Variants in CDT1 observed in about 807,000 individuals in gnomAD.
CDT1 encodes DNA replication factor Cdt1.
A neutral mutation model predicts 49.3 loss-of-function variants in CDT1; 66 were observed. The ratio of observed to expected loss-of-function variants is 1.34; its 90% CI spans 1.10 to 1.64. The LOEUF (loss-of-function observed/expected upper bound fraction) is 1.64, where lower values mean the gene tolerates loss of function less well. Ranked by LOEUF, CDT1 falls within the 40% of genes most tolerant of loss-of-function variation. The probability of loss-of-function intolerance (pLI) is 0.00; values close to 1 mark genes in which losing one functional copy is unlikely to be tolerated. For synonymous variants in CDT1, 424 were observed against 347.4 expected (o/e 1.22, Z -2.45); for missense variants, 958 against 807.7 (o/e 1.19, Z -2.26).
In CDT1 at chr16:88,808,257, A is replaced by G. The variant is rs1908946376; in HGVS notation, c.1620A>G (p.Thr540=). ...TCACTGCACGCCTGGCCCACCAGAC[A>G]CGTGCTGAGGAGGGGCTGTGAGCCT... The part of the protein sequence containing the change: ...AHITARLAHQ[T]RAEEGL The change falls in exon 10 of 10, where the codon ACA becomes ACG. Residue 540 remains threonine, a synonymous_variant. Coordinates refer to ENST00000301019, the MANE Select transcript of CDT1 (RefSeq NM_030928.4). 3 of 1,597,234 alleles carry G rather than the reference A, an allele frequency of 1.9e-6. No individual in the cohort carries two copies. The highest frequency in any genetic ancestry group is 1.1e-5 in the South Asian group (1 of 88,870).
In CDT1 at chr16:88,804,650, A is replaced by C; in HGVS notation, c.334A>C (p.Thr112Pro). ...GGCAGCAGGTCAGCCGCCCCACCTG[A>C]CATCCGCGCAGGACCAGGTGAGGGG... ...TPAAGQPPHL[T>P]SAQDQDTISE... Residue 112 changes from threonine to proline, a missense_variant, in exon 2 of 10, where the codon ACA (threonine) becomes CCA (proline). By Grantham distance (38) the Thr-to-Pro change is conservative. Coordinates refer to ENST00000301019, the MANE Select transcript of CDT1 (RefSeq NM_030928.4). The C allele has an allele frequency of 6.2e-7, 1 of 1,612,520 alleles. No individual in the cohort carries two copies. The highest frequency in any genetic ancestry group is 8.5e-7 in the Non-Finnish European group (1 of 1,179,802).
At position 88,805,592 on chromosome 16, in the gene CDT1, C is replaced by G; in HGVS notation, c.641C>G (p.Pro214Arg). The G allele has an allele frequency of 1.2e-6, 2 of 1,612,830 alleles. No individual in the cohort carries two copies. The highest frequency in any genetic ancestry group is 1.7e-6 in the Non-Finnish European group (2 of 1,179,964). The change falls in exon 4 of 10, where the codon CCC becomes CGC. Residue 214 changes from proline (P) to arginine (R), a missense_variant. Physicochemically the swap from Pro to Arg is moderately radical, Grantham distance 103. Coordinates refer to ENST00000301019, the MANE Select transcript of CDT1 (RefSeq NM_030928.4). ...VGMLHNRSET[P>R]TFAKVQRGVQ... Reference sequence around the variant, plus strand: ...ATGCTCCACAACCGCTCCGAGACGCCCACCTTTGCCAAGGTCCAGCGGGGC... The same window carrying G: ...ATGCTCCACAACCGCTCCGAGACGCGCACCTTTGCCAAGGTCCAGCGGGGC...
chr16:88,805,515 C>A lies in CDT1; in HGVS notation c.564C>A (p.Tyr188Ter). 6.2e-7 allele frequency: 1 copy of A among 1,612,938 alleles called. No individual in the cohort carries two copies. The highest frequency in any genetic ancestry group is 2.2e-5 in the East Asian group (1 of 44,878). ...QPGLPGLVLPYKYQVLAEMFR... is the reference protein window; with the variant it reads ...QPGLPGLVLP ...GCCTGCCGGGACTCGTGCTGCCCTA[C>A]AAGTACCAGGTGCTGGCGGAGATGT... Residue 188 changes from tyrosine (Y) to a stop codon, truncating the protein, a stop_gained, in exon 4 of 10, where the codon TAC (tyrosine) becomes TAA (stop). Coordinates refer to ENST00000301019, the MANE Select transcript of CDT1 (RefSeq NM_030928.4). LOFTEE classifies it high-confidence loss of function.
Position 88,808,320 on chromosome 16 carries a change from G to A in CDT1, c.*42G>A, listed in dbSNP as rs368053717. On this transcript the variant is annotated 3_prime_UTR_variant, in exon 10 of 10. Coordinates refer to ENST00000301019, the MANE Select transcript of CDT1 (RefSeq NM_030928.4). ...GGACAGACGTGGGCTTCAGAAGCTCGCTGGCCTGGGCCCACCAGCATTTTC... is the reference window on the plus strand; with the variant it reads ...GGACAGACGTGGGCTTCAGAAGCTCACTGGCCTGGGCCCACCAGCATTTTC... The A allele has an allele frequency of 2.2e-4, 345 of 1,539,628 alleles. No homozygotes were observed. Among genetic ancestry groups the A allele is most frequent in the Non-Finnish European group, 2.7e-4 (304 of 1,139,952 alleles).
chr16:88,804,413 C>G, intron 1 of CDT1, 132 bp from the exon 2 acceptor site: 1 of 1,175,242 alleles, frequency 8.5e-7, no homozygotes, highest in Non-Finnish European at 1.2e-6. Flanking sequence ...CCACCATCTA[C>G]GGGAAGTCCT....
intron 1 of CDT1, 96 bp from the exon 2 acceptor site, chr16:88,804,449 G>C: frequency 2.0e-6 from 3 of 1,502,586 alleles, no homozygotes; most frequent in South Asian, 2.5e-5. Context: ...GCCCGTCCCA[G>C]TTAACTCAGA....
chr16:88,805,968 G>T (rs925907278), intron 5 of CDT1, 53 bp from the exon 6 acceptor site: 1 of 1,579,132 alleles, frequency 6.3e-7, no homozygotes, highest in Admixed American at 1.8e-5. Flanking sequence ...GACTGGTCAC[G>T]GGTGGGTGGC....
At position 88,807,292 on chromosome 16, in the gene CDT1, G is replaced by A. The variant is rs774490855; in HGVS notation, c.1287G>A (p.Lys429=). 1.2e-6 allele frequency: 2 copies of A among 1,612,212 alleles called. No individual in the cohort carries two copies. The highest frequency in any genetic ancestry group is 8.5e-7 in the Non-Finnish European group (1 of 1,179,910). The change falls in exon 9 of 10, where the codon AAG becomes AAA. Residue 429 remains lysine (K), a synonymous_variant. Transcript: ENST00000301019. ...GGTACCTGCTGCAGATCCGAGCCAA[G>A]GAGGCACAGAAGCAGCTGGCACAGA... ...SQDLLERIRA[K]EAQKQLAQMT... is the part of the protein sequence containing the mutation.
Position 88,807,076 on chromosome 16 carries a change from C to G in CDT1, c.1148C>G (p.Ala383Gly). ...ATGGAGAAGGCCTTGAGTCAATTGG[C>G]CCTGCGCTCTGCTGCGCCCAGCAGC... ...PRMEKALSQL[A>G]LRSAAPSSPG... The change falls in exon 8 of 10, where the codon GCC becomes GGC. Residue 383 changes from alanine to glycine, a missense_variant. Coordinates refer to ENST00000301019, the MANE Select transcript of CDT1 (RefSeq NM_030928.4). 1 of 1,612,896 alleles carries G rather than the reference C, an allele frequency of 6.2e-7. No individual in the cohort carries two copies. Among genetic ancestry groups the G allele is most frequent in the Non-Finnish European group, 8.5e-7 (1 of 1,179,968 alleles).
chr16:88,805,647 C>CG lies in CDT1; in HGVS notation c.686+15dup, dbSNP rs755694518. The stretch of plus-strand genomic sequence containing the variant: ...AGGACATGATGCGTAGGTGAGTGGC[C>CG]GGGGGTGGGCTGTGGCTGTCCTGGA... On this transcript the variant is annotated intron_variant, in intron 4 of 9. Transcript: ENST00000301019. The CG allele has an allele frequency of 1.9e-6, 3 of 1,612,348 alleles. No individual in the cohort carries two copies. The highest frequency in any genetic ancestry group is 1.3e-5 in the African/African-American group (1 of 74,882).
intron 3 of CDT1, 87 bp from the exon 4 acceptor site, chr16:88,805,353 G>A (rs1483451562): frequency 5.4e-6 from 8 of 1,493,064 alleles, no homozygotes; most frequent in African/African-American, 4.2e-5. Context: ...AGGCCCCATC[G>A]GAGGGTCTCC....
In CDT1 at chr16:88,806,487, C is replaced by A. The variant is rs751161254; in HGVS notation, c.935C>A (p.Ala312Asp). 3 of 1,610,226 alleles carry A rather than the reference C, an allele frequency of 1.9e-6. No homozygotes were observed. Among genetic ancestry groups the A allele is most frequent in the African/African-American group, 1.3e-5 (1 of 74,886 alleles). ...CACCCATCTACTCCTTCTCCCCAGG[C>A]CTTCCTGGCCTCCCTGAGCCCCGCC... ...LVEHVKEHHK[A>D]FLASLSPAMV... The change falls in exon 7 of 10, where the codon GCC (alanine) becomes GAC (aspartate). Residue 312 changes from alanine (A) to aspartate (D), a missense_variant and splice_region_variant. Physicochemically the swap from Ala to Asp is moderately radical, Grantham distance 126. Coordinates refer to ENST00000301019, the MANE Select transcript of CDT1 (RefSeq NM_030928.4).
chr16:88,805,994 G>T (rs758691767), intron 5 of CDT1, 27 bp from the exon 6 acceptor site: 1 of 1,578,834 alleles, frequency 6.3e-7, no homozygotes, highest in Non-Finnish European at 8.6e-7. Context: ...GGCCTGGTGG[G>T]GACTTAGGCC....
chr16:88,807,928 C>T (rs549043539), intron 9 of CDT1, among the ~76,000 whole-genome samples, 187 bp from the exon 10 acceptor site: 1 of 152,352 alleles, frequency 6.6e-6, no homozygotes, highest in Non-Finnish European at 1.5e-5. Flanking sequence ...CTGGCTCTCT[C>T]CGGTCACTGT....
rs902450437 is a variant in CDT1, at chr16:88,804,554, C to T, written c.238C>T (p.Pro80Ser). The change falls in exon 2 of 10, where the codon CCC (proline) becomes TCC (serine). Residue 80 changes from proline (P) to serine (S), a missense_variant. Coordinates refer to ENST00000301019, the MANE Select transcript of CDT1 (RefSeq NM_030928.4). ...LRLSVDEVSS[P>S]STPEAPDIPA... ...GGGTCCCTCCCACCAGGTTTCCAGCCCCAGTACCCCCGAGGCCCCAGACAT... is the reference window on the plus strand; with the variant it reads ...GGGTCCCTCCCACCAGGTTTCCAGCTCCAGTACCCCCGAGGCCCCAGACAT... The T allele has an allele frequency of 6.2e-7, 1 of 1,612,386 alleles. No homozygotes were observed. Among genetic ancestry groups the T allele is most frequent in the African/African-American group, 1.3e-5 (1 of 74,920 alleles).
At chr16:88,806,453 GC>G (rs1908858985) in intron 6 of CDT1, 32 bp from the exon 7 acceptor site, 1 of 1,604,910 alleles carries the variant, frequency 6.2e-7, no homozygotes, top group African/African-American at 1.3e-5. Flanking sequence ...TCTCAGATGT[GC>G]CCAGGGTCAC....
At chr16:88,804,524 C>A in intron 1 of CDT1, 21 bp from the exon 2 acceptor site, 1 of 1,610,292 alleles carries the variant, frequency 6.2e-7, no homozygotes, top group Non-Finnish European at 8.5e-7. Flanking sequence ...ATGAGTTCAC[C>A]CTTGGGGTCC....
At position 88,808,497 on chromosome 16, in the gene CDT1, G is replaced by C. The variant is rs925065384; in HGVS notation, c.*219G>C. On this transcript the variant is annotated 3_prime_UTR_variant, in exon 10 of 10. Transcript: ENST00000301019. ...TCACCTGGTGGATTCACATTAAACC[G>C]GTTTCTGTGGGCACCTCTGTCCTTG... 14 of 592,724 alleles carry C rather than the reference G, an allele frequency of 2.4e-5. No homozygotes were observed. The highest frequency in any genetic ancestry group is 4.5e-4 in the Middle Eastern group (1 of 2,214). The allele number at this position is 592,724 out of a possible 1,614,324, so 36.7% of individuals were successfully genotyped here. A position where few individuals can be genotyped will look rare whatever the true frequency, so the allele number is the denominator to read the frequency against.
rs1908839199 is a variant in CDT1 at position 88,805,956 on chromosome 16, A to G, written c.833-65A>G. The G allele has an allele frequency of 5.7e-6, 9 of 1,581,598 alleles. No individual in the cohort carries two copies. The Admixed American group carries it at 1.6e-4, about 28-fold the overall frequency. ...GTGTGAGGTGCTGGGCATCTGGCCC[A>G]GGACTGGTCACGGGTGGGTGGCTGG... On this transcript the variant is annotated intron_variant, in intron 5 of 9. Transcript: ENST00000301019.
Sources: gnomAD v4.1 joint callset for allele counts (sites outside exome capture counted in the v4.1 genomes callset) on GRCh38, gnomAD v4.1.1 for gene constraint, MANE v1.5 for transcripts, NCBI Gene and HGNC (gene_info 2026-07-23, HGNC 2026-07-21) for gene names.